PLB1: variants seen among roughly 807,000 people sequenced by gnomAD.
PLB1 encodes phospholipase B1, membrane-associated.
PLB1 carries 242 observed loss-of-function variants against 227.4 expected under a neutral mutation model. The observed-to-expected ratio is 1.06, with a 90% CI of 0.96 to 1.18. PLB1 has a LOEUF of 1.18. PLB1 is among the 50% of genes most tolerant of loss of function. The pLI is 0.00. For missense variants in PLB1, 1,858 were observed against 1,816.3 expected, an observed-to-expected ratio of 1.02 and a Z score of -0.42; for synonymous variants, 757 against 682.2, an observed-to-expected ratio of 1.11 and a Z score of -1.71.
At position 28,605,910 on chromosome 2, in the gene PLB1, T is replaced by C. The variant is rs1470059959; in HGVS notation, c.3019T>C (p.Phe1007Leu). 1 of 1,613,764 alleles carries C rather than the reference T, an allele frequency of 6.2e-7. No homozygotes were observed. The highest frequency in any genetic ancestry group is 8.5e-7 in the Non-Finnish European group (1 of 1,179,766). ...AGACTGCATCCACCCAAATCAGAAA[T>C]TCCACTCCCAGCTGGCCAGAGCCCT... ...APDCIHPNQK[F>L]HSQLARALWT... is the part of the protein sequence containing the mutation. Residue 1007 changes from phenylalanine (F) to leucine (L), a missense_variant, in exon 42 of 58, where the codon TTC (phenylalanine) becomes CTC (leucine). Coordinates refer to ENST00000327757, the MANE Select transcript of PLB1 (RefSeq NM_153021.5).
chr2:28,625,007 T>C, intron 49 of PLB1, 50 bp from the exon 50 acceptor site: 1 of 1,565,402 alleles, frequency 6.4e-7, no homozygotes, highest in Non-Finnish European at 8.8e-7. Flanking sequence ...ATGTCGTGAG[T>C]CCTCGCTCCT....
At chr2:28,630,243 G>T (rs1251395093) in intron 53 of PLB1, among the ~76,000 whole-genome samples, 1 of 152,304 alleles carries the variant, frequency 6.6e-6, no homozygotes, top group African/African-American at 2.4e-5. Context: ...TGTCTACCCA[G>T]TCCTGCTCTG....
rs145129518 is a variant in PLB1 at position 28,589,722 on chromosome 2, C to G, written c.1968C>G (p.Phe656Leu). The change falls in exon 28 of 58, where the codon TTC (phenylalanine) becomes TTG (leucine). Residue 656 changes from phenylalanine (F) to leucine (L), a missense_variant. Physicochemically the swap from Phe to Leu is conservative, Grantham distance 22. Coordinates refer to ENST00000327757, the MANE Select transcript of PLB1 (RefSeq NM_153021.5). ...TCTTCGCTCCTGACTGTTTCCACTT[C>G]AGCAGCAAGTCTCACTCCCGAGCAG... ...NSFFAPDCFH[F>L]SSKSHSRAAS... 3.6e-5 allele frequency: 58 copies of G among 1,613,994 alleles called. No individual in the cohort carries two copies. Among genetic ancestry groups the G allele is most frequent in the Non-Finnish European group, 3.2e-5 (38 of 1,180,048 alleles).
Position 28,524,487 on chromosome 2 carries a change from C to G in PLB1, c.244-780C>G, listed in dbSNP as rs551018430. The stretch of plus-strand genomic sequence containing the variant: ...AAATCGGAAACTTACCTTGTTCGTT[C>G]CAAAAATATGGATTCAACATATATT... On this transcript the variant is annotated intron_variant, in intron 4 of 57. Transcript: ENST00000327757. Among the ~76,000 whole-genome samples, 4 of 151,942 alleles carry G rather than the reference C, an allele frequency of 2.6e-5. No homozygotes were observed. The East Asian group carries it at 5.8e-4, about 22-fold the overall frequency.
At chr2:28,606,027 G>A in intron 42 of PLB1, 79 bp downstream of exon 42, 1 of 1,152,138 alleles carries the variant, frequency 8.7e-7, no homozygotes. Flanking sequence ...ATGGAGTCTT[G>A]CAAGTGAGGC....
chr2:28,612,372 G>T (rs1685580042), intron 43 of PLB1, among the ~76,000 whole-genome samples: 1 of 152,128 alleles, frequency 6.6e-6, no homozygotes, highest in Non-Finnish European at 1.5e-5. Flanking sequence ...CCAGTGTGAG[G>T]AACGGAACCA....
intron 41 of PLB1, among the ~76,000 whole-genome samples, 156 bp downstream of exon 41, chr2:28,604,915 A>G (rs1414662217): frequency 6.6e-6 from 1 of 152,176 alleles, no homozygotes; most frequent in Non-Finnish European, 1.5e-5. Flanking sequence ...CCTGAGCCAC[A>G]TCCGTATGTG....
chr2:28,626,442 G>T lies in PLB1; in HGVS notation c.3594G>T (p.Glu1198Asp). ...TGTCCCCTCAGGACATCAACCTGGA[G>T]AAAGACTGGAAGCTGGTCACACTCT... ...RMKNSPDINLEKDWKLVTLFI... is the reference protein window; with the variant it reads ...RMKNSPDINLDKDWKLVTLFI... The change falls in exon 51 of 58, where the codon GAG becomes GAT. Residue 1198 changes from glutamate (E) to aspartate (D), a missense_variant. Coordinates refer to ENST00000327757, the MANE Select transcript of PLB1 (RefSeq NM_153021.5). 6.2e-7 allele frequency: 1 copy of T among 1,614,170 alleles called. No homozygotes were observed. Among genetic ancestry groups the T allele is most frequent in the South Asian group, 1.1e-5 (1 of 91,084 alleles).
chr2:28,567,219 A>AAAG (rs1677110788), intron 20 of PLB1, among the ~76,000 whole-genome samples: 1 of 152,078 alleles, frequency 6.6e-6, no homozygotes, highest in African/African-American at 2.4e-5. Context: ...GAAAAAAGAA[A>AAAG]AAGAAACCCG....
intron 23 of PLB1, 45 bp from the exon 24 acceptor site, chr2:28,582,023 A>G (rs1192918241): frequency 1.3e-6 from 2 of 1,554,240 alleles, no homozygotes; most frequent in Admixed American, 3.3e-5. Context: ...CTGTAGAGAG[A>G]TTAGGTGACA....
chr2:28,599,396 G>A (rs72850449), intron 35 of PLB1, among the ~76,000 whole-genome samples: 3,204 of 152,248 alleles, frequency 0.021, 114 homozygotes, highest in African/African-American at 0.074. Context: ...TCATCTTCTT[G>A]CTCAGGCCCA....
chr2:28,568,206 A>G (rs1677381648), intron 20 of PLB1, among the ~76,000 whole-genome samples: 1 of 152,202 alleles, frequency 6.6e-6, no homozygotes, highest in Non-Finnish European at 1.5e-5. Context: ...CTCTATTGCT[A>G]GGAGATGGTT....
In PLB1 at chr2:28,498,218, A is replaced by G. The variant is rs147970970; in HGVS notation, c.55+2049A>G. 5.5e-3 allele frequency among the ~76,000 whole-genome samples: 830 copies of G among 151,498 alleles called. 11 individuals carry two copies. Among genetic ancestry groups the G allele is most frequent in the African/African-American group, 0.019 (789 of 41,392 alleles). ...ATGAATAGTATATGAGAGGAACCCA[A>G]TGTTGTTATTATTATTTCTTTTTGA... On this transcript the variant is annotated intron_variant, in intron 1 of 57. Transcript: ENST00000327757.
chr2:28,600,445 G>A (rs36053360), intron 35 of PLB1, among the ~76,000 whole-genome samples: 17,998 of 152,160 alleles, frequency 0.12, 1,246 homozygotes, highest in African/African-American at 0.18. Context: ...AAGCATGCTA[G>A]AAGTTTCATA....
chr2:28,521,888 C>G (rs565104821), intron 4 of PLB1, among the ~76,000 whole-genome samples: 2 of 152,154 alleles, frequency 1.3e-5, no homozygotes, highest in East Asian at 3.9e-4. Flanking sequence ...GAGCCTCCCT[C>G]CCCACTCCGC....
chr2:28,643,134 G>A lies in PLB1; in HGVS notation c.*73G>A, dbSNP rs1258071737. 123 of 1,390,522 alleles carry A rather than the reference G, an allele frequency of 8.8e-5. No homozygotes were observed. The highest frequency in any genetic ancestry group is 1.1e-4 in the South Asian group (7 of 64,508). 86.1% of individuals were successfully genotyped at this position (1,390,522 alleles called of 1,614,324 possible). On this transcript the variant is annotated 3_prime_UTR_variant, in exon 58 of 58. Coordinates refer to ENST00000327757, the MANE Select transcript of PLB1 (RefSeq NM_153021.5). ...ACCGCCCTCTGCCCCAGCCACTCCC[G>A]GCCACCAGGACATGCTTCAATGCCT...
chr2:28,624,708 A>G (rs1376162974), intron 49 of PLB1, among the ~76,000 whole-genome samples: 1 of 152,244 alleles, frequency 6.6e-6, no homozygotes, highest in Non-Finnish European at 1.5e-5. Flanking sequence ...TTTCTCAAAT[A>G]TACAAAAGGT....
intron 39 of PLB1, among the ~76,000 whole-genome samples, chr2:28,603,271 G>GA (rs1217168433): frequency 6.6e-6 from 1 of 152,196 alleles, no homozygotes; most frequent in African/African-American, 2.4e-5. Flanking sequence ...AGAAAGCAAG[G>GA]AAAAGGTACA....
chr2:28,574,233 T>C (rs1678500733), intron 21 of PLB1, among the ~76,000 whole-genome samples: 1 of 152,208 alleles, frequency 6.6e-6, no homozygotes, highest in Admixed American at 6.5e-5. Context: ...ACAGGTAGTT[T>C]TTGGTTACAT....
Sources: allele counts gnomAD v4.1 joint callset (sites outside exome capture counted in the v4.1 genomes callset), GRCh38; gene constraint gnomAD v4.1.1; transcripts MANE v1.5; gene names NCBI Gene and HGNC (gene_info 2026-07-23, HGNC 2026-07-21).